GALNT2: variants seen among roughly 807,000 people sequenced by gnomAD.
The protein encoded by GALNT2 is polypeptide N-acetylgalactosaminyltransferase 2.
A neutral mutation model predicts 81.4 loss-of-function variants in GALNT2; 31 were observed. The ratio of observed to expected loss-of-function variants is 0.38; its 90% CI spans 0.29 to 0.51. GALNT2 has a LOEUF of 0.51. GALNT2 is among the 20% of genes least tolerant of loss of function. The pLI is 0.87. For synonymous variants in GALNT2, 303 were observed against 287.4 expected (o/e 1.05, Z -0.55); for missense variants, 629 against 765.7 (o/e 0.82, Z 2.11).
chr1:230,195,949 T>C (rs1263537039), intron 2 of GALNT2, among the ~76,000 whole-genome samples: 2 of 152,206 alleles, frequency 1.3e-5, no homozygotes, highest in East Asian at 3.8e-4. Flanking sequence ...GGGGCAGATG[T>C]GCACTAGGCT....
intron 1 of GALNT2, among the ~76,000 whole-genome samples, chr1:230,076,954 C>T (rs543576783): frequency 3.2e-4 from 48 of 152,266 alleles, no homozygotes; most frequent in South Asian, 8.3e-4. Flanking sequence ...CAGGCTGCTG[C>T]CCTAGAAAAA....
chr1:230,163,934 GTGGA>G (rs1487703469), intron 1 of GALNT2, among the ~76,000 whole-genome samples: 2 of 152,194 alleles, frequency 1.3e-5, no homozygotes, highest in African/African-American at 2.4e-5. Context: ...GCCGGGGGTG[GTGGA>G]TGGAGCCTGG....
intron 3 of GALNT2, among the ~76,000 whole-genome samples, chr1:230,226,748 C>T (rs548256531): frequency 3.3e-4 from 50 of 152,354 alleles, no homozygotes; most frequent in African/African-American, 1.2e-3. Context: ...TTTCACTCAC[C>T]CATCTCATGG....
intron 1 of GALNT2, among the ~76,000 whole-genome samples, chr1:230,113,650 GGCT>G (rs1229701026): frequency 2.0e-5 from 3 of 152,100 alleles, no homozygotes; most frequent in Non-Finnish European, 4.4e-5. Flanking sequence ...AGTATCTTGG[GGCT>G]GATGTTGCCT....
At chr1:230,159,984 C>T (rs769149004) in intron 1 of GALNT2, among the ~76,000 whole-genome samples, 3 of 152,074 alleles carry the variant, frequency 2.0e-5, no homozygotes, top group East Asian at 3.9e-4. Flanking sequence ...TGTGGGGTGT[C>T]GTCTGAATCC....
intron 3 of GALNT2, among the ~76,000 whole-genome samples, chr1:230,215,564 T>A (rs188008374): frequency 4.6e-5 from 7 of 152,378 alleles, no homozygotes; most frequent in African/African-American, 1.7e-4. Flanking sequence ...TTATTTGGAA[T>A]TCAAATCCAC....
chr1:230,102,548 G>A (rs1660432206), intron 1 of GALNT2, among the ~76,000 whole-genome samples: 1 of 152,102 alleles, frequency 6.6e-6, no homozygotes. Flanking sequence ...TTTATACCTT[G>A]GGGGTTCCGT....
chr1:230,212,991 C>T (rs906102095), intron 3 of GALNT2, among the ~76,000 whole-genome samples: 18 of 152,160 alleles, frequency 1.2e-4, no homozygotes, highest in African/African-American at 4.3e-4. Context: ...TTCAAGTCTC[C>T]TTTTCAAAGA....
intron 1 of GALNT2, among the ~76,000 whole-genome samples, chr1:230,155,695 C>A (rs1351708606): frequency 6.6e-6 from 1 of 152,072 alleles, no homozygotes; most frequent in Non-Finnish European, 1.5e-5. Flanking sequence ...TGATTATAAC[C>A]CCAAAACTGG....
intron 3 of GALNT2, among the ~76,000 whole-genome samples, chr1:230,204,248 T>G (rs1054496931): frequency 3.3e-5 from 5 of 151,880 alleles, no homozygotes; most frequent in African/African-American, 1.2e-4. Flanking sequence ...CTGCAACCTC[T>G]ACTCCTCTAC....
chr1:230,068,077 C>T lies in GALNT2; in HGVS notation c.126+671C>T, dbSNP rs190342598. ...CAGCGTTACCCTCTGCCCAACCCGG[C>T]CCCCGGCCCTCCCGCGCGAGCCGGA... On this transcript the variant is annotated intron_variant, in intron 1 of 15. Transcript: ENST00000366672. 6.4e-4 allele frequency among the ~76,000 whole-genome samples: 98 copies of T among 152,364 alleles called. 1 individual carries two copies. The highest frequency in any genetic ancestry group is 1.1e-3 in the Non-Finnish European group (77 of 68,020).
Position 230,265,372 on chromosome 1 carries a change from G to A in GALNT2, c.1440+5G>A. On this transcript the variant is annotated splice_donor_5th_base_variant and intron_variant, in intron 14 of 15. Coordinates refer to ENST00000366672, the MANE Select transcript of GALNT2 (RefSeq NM_004481.5). ...CACAATGCTGGGGGAAACCAGGTAT[G>A]TGCATGGGGAAGCCAGGTCACCTGC... 4 of 1,614,250 alleles carry A rather than the reference G, an allele frequency of 2.5e-6. No homozygotes were observed. Among genetic ancestry groups the A allele is most frequent in the Non-Finnish European group, 3.4e-6 (4 of 1,180,038 alleles).
chr1:230,110,265 T>A (rs1222154698), intron 1 of GALNT2, among the ~76,000 whole-genome samples: 1 of 152,246 alleles, frequency 6.6e-6, no homozygotes, highest in South Asian at 2.1e-4. Flanking sequence ...TTTTCCTGTG[T>A]GTCAGGGACA....
At chr1:230,189,081 G>A (rs1268211586) in intron 2 of GALNT2, among the ~76,000 whole-genome samples, 6 of 152,178 alleles carry the variant, frequency 3.9e-5, no homozygotes, top group Non-Finnish European at 7.3e-5. Flanking sequence ...GACAGCTGTT[G>A]ATGAGGTTCT....
intron 12 of GALNT2, 55 bp downstream of exon 12, chr1:230,262,720 T>TGGGGGG: frequency 1.1e-6 from 1 of 917,826 alleles, no homozygotes; most frequent in Non-Finnish European, 1.7e-6. Flanking sequence ...GGTGTGGGGG[T>TGGGGGG]GGGAGGTAAG....
At chr1:230,084,960 C>A (rs1659855233) in intron 1 of GALNT2, among the ~76,000 whole-genome samples, 1 of 151,974 alleles carries the variant, frequency 6.6e-6, no homozygotes. Context: ...CTGAACAGAC[C>A]CCAGCTGTAT....
At chr1:230,152,584 A>C (rs1360610377) in intron 1 of GALNT2, among the ~76,000 whole-genome samples, 1 of 152,166 alleles carries the variant, frequency 6.6e-6, no homozygotes, top group Non-Finnish European at 1.5e-5. Flanking sequence ...TGGGGGATGG[A>C]TGTCTACATC....
At chr1:230,141,891 A>G (rs897549215) in intron 1 of GALNT2, among the ~76,000 whole-genome samples, 1 of 136,992 alleles carries the variant, frequency 7.3e-6, no homozygotes, top group Non-Finnish European at 1.5e-5. Context: ...GCCTGGGCTT[A>G]TTTTCCCGCC....
intron 3 of GALNT2, among the ~76,000 whole-genome samples, chr1:230,235,697 G>A (rs891892331): frequency 5.3e-5 from 8 of 152,088 alleles, no homozygotes; most frequent in Non-Finnish European, 1.0e-4. Flanking sequence ...CATCTCTAGA[G>A]GTGTATCTGC....
Sources: gnomAD v4.1 joint callset for allele counts (sites outside exome capture counted in the v4.1 genomes callset) on GRCh38, gnomAD v4.1.1 for gene constraint, MANE v1.5 for transcripts, NCBI Gene and HGNC (gene_info 2026-07-23, HGNC 2026-07-21) for gene names.